FAM227B: variants seen among roughly 807,000 people sequenced by gnomAD.
FAM227B encodes the protein protein FAM227B.
Under a neutral mutation model 73.8 loss-of-function variants are expected in FAM227B, and 88 were observed. The observed-to-expected ratio is 1.19, with a 90% CI of 1.00 to 1.42. The LOEUF is 1.42. Ranked by LOEUF, FAM227B falls within the 40% of genes most tolerant of loss-of-function variation. The pLI is 0.00. For synonymous variants in FAM227B, 210 were observed against 190.5 expected (o/e 1.10, Z -0.84); for missense variants, 632 against 590.9 (o/e 1.07, Z -0.72).
chr15:49,618,995 G>A (rs1032002897), intron 1 of FAM227B, among the ~76,000 whole-genome samples: 3 of 152,114 alleles, frequency 2.0e-5, no homozygotes, highest in Non-Finnish European at 4.4e-5. Context: ...ACAGAATGTG[G>A]CCAAATTGAT....
intron 11 of FAM227B, among the ~76,000 whole-genome samples, chr15:49,422,234 C>T (rs1215559644): frequency 6.6e-6 from 1 of 151,650 alleles, no homozygotes; most frequent in Non-Finnish European, 1.5e-5. Flanking sequence ...TTTTAATATA[C>T]TTTCTTAATA....
At chr15:49,585,266 T>C (rs1385035663) in intron 5 of FAM227B, among the ~76,000 whole-genome samples, 2 of 152,172 alleles carry the variant, frequency 1.3e-5, no homozygotes, top group African/African-American at 2.4e-5. Context: ...AGTTCAACCA[T>C]TGTGGAAGTC....
At chr15:49,348,454 G>A (rs1190277725) in intron 13 of FAM227B, among the ~76,000 whole-genome samples, 1 of 152,088 alleles carries the variant, frequency 6.6e-6, no homozygotes, top group Non-Finnish European at 1.5e-5. Flanking sequence ...AGACACATGT[G>A]AGGCAACCAC....
At chr15:49,350,472 T>G (rs1327908798) in intron 13 of FAM227B, among the ~76,000 whole-genome samples, 3 of 152,090 alleles carry the variant, frequency 2.0e-5, no homozygotes, top group Non-Finnish European at 4.4e-5. Context: ...ACATACTAAT[T>G]CTCGATCTGT....
intron 10 of FAM227B, among the ~76,000 whole-genome samples, chr15:49,522,347 A>C (rs1370368125): frequency 6.6e-6 from 1 of 152,212 alleles, no homozygotes; most frequent in African/African-American, 2.4e-5. Flanking sequence ...TAGCTTCTTC[A>C]GTTGAGAAGG....
chr15:49,402,273 T>C (rs1203815271), intron 11 of FAM227B, among the ~76,000 whole-genome samples: 7 of 152,200 alleles, frequency 4.6e-5, no homozygotes, highest in Non-Finnish European at 8.8e-5. Flanking sequence ...AAAGGGCTAT[T>C]TGGGCTCTTT....
At chr15:49,567,831 T>C (rs1462203543) in intron 9 of FAM227B, among the ~76,000 whole-genome samples, 33 of 152,192 alleles carry the variant, frequency 2.2e-4, no homozygotes, top group East Asian at 1.9e-4. Flanking sequence ...ATTTTATGTA[T>C]TGTGCTTTAC....
intron 3 of FAM227B, among the ~76,000 whole-genome samples, chr15:49,594,188 A>AT (rs1486464853): frequency 1.3e-5 from 2 of 151,900 alleles, no homozygotes; most frequent in South Asian, 2.1e-4. Flanking sequence ...GATGTTGAGC[A>AT]TTTTTTTCAC....
At chr15:49,517,954 TATATAG>T (rs1319259992) in intron 10 of FAM227B, among the ~76,000 whole-genome samples, 3 of 152,208 alleles carry the variant, frequency 2.0e-5, no homozygotes, top group African/African-American at 7.2e-5. Context: ...CATATTGTTG[TATATAG>T]ATATAATTTG....
intron 11 of FAM227B, among the ~76,000 whole-genome samples, chr15:49,456,867 A>G (rs547221903): frequency 9.9e-5 from 15 of 152,086 alleles, no homozygotes; most frequent in Non-Finnish European, 1.9e-4. Flanking sequence ...AGACCAGAAA[A>G]AGACAGGCAA....
At position 49,546,358 on chromosome 15, in the gene FAM227B, T is replaced by C. The variant is rs569261244; in HGVS notation, c.748-4552A>G. The stretch of plus-strand genomic sequence containing the variant: ...CACATTTTCTTAATCCAGTCTATCG[T>C]TGTTGGACATTTACGTTGGTTCCAA... On this transcript the variant is annotated intron_variant, in intron 9 of 15. Coordinates refer to ENST00000299338, the MANE Select transcript of FAM227B (RefSeq NM_152647.3). Among the ~76,000 whole-genome samples the C allele has an allele frequency of 2.0e-3, 309 of 152,328 alleles. 2 individuals carry two copies. Among genetic ancestry groups the C allele is most frequent in the African/African-American group, 6.9e-3 (287 of 41,568 alleles).
chr15:49,563,888 G>C (rs2074443336), intron 9 of FAM227B, among the ~76,000 whole-genome samples: 1 of 152,082 alleles, frequency 6.6e-6, no homozygotes, highest in Non-Finnish European at 1.5e-5. Context: ...AAAAATCCTA[G>C]AAGAAAACCT....
intron 5 of FAM227B, among the ~76,000 whole-genome samples, chr15:49,581,914 G>C (rs1346400220): frequency 6.6e-6 from 1 of 152,082 alleles, no homozygotes; most frequent in Non-Finnish European, 1.5e-5. Context: ...AGCCCTAGGG[G>C]AACTGTCAGA....
chr15:49,551,163 T>C (rs891007503), intron 9 of FAM227B, among the ~76,000 whole-genome samples: 1 of 152,132 alleles, frequency 6.6e-6, no homozygotes, highest in Non-Finnish European at 1.5e-5. Context: ...GCGCCTGCAA[T>C]TGCAGGCACT....
intron 11 of FAM227B, among the ~76,000 whole-genome samples, chr15:49,497,915 C>T (rs1597618298): frequency 6.6e-6 from 1 of 152,212 alleles, no homozygotes; most frequent in Non-Finnish European, 1.5e-5. Context: ...CCATTGCTTG[C>T]TATTTCTAGA....
intron 11 of FAM227B, among the ~76,000 whole-genome samples, chr15:49,381,036 C>G (rs1170734525): frequency 6.6e-6 from 1 of 152,168 alleles, no homozygotes; most frequent in Non-Finnish European, 1.5e-5. Flanking sequence ...GCCCATGTGT[C>G]ATCTGGTGAG....
chr15:49,366,412 T>C, intron 13 of FAM227B: 1 of 838,544 alleles, frequency 1.2e-6, no homozygotes, highest in Non-Finnish European at 2.1e-6. Context: ...AGCTGCCCCA[T>C]TGCACCACAA....
intron 11 of FAM227B, among the ~76,000 whole-genome samples, chr15:49,489,879 TATATAGAGAGAG>T (rs1392474828): frequency 4.9e-4 from 9 of 18,480 alleles, no homozygotes; most frequent in Non-Finnish European, 1.2e-3. Flanking sequence ...TATATATATA[TATATAGAGAGAG>T]AGAGAGAGAG....
chr15:49,419,778 T>A (rs772505256), intron 11 of FAM227B, among the ~76,000 whole-genome samples: 17 of 152,014 alleles, frequency 1.1e-4, no homozygotes, highest in Non-Finnish European at 2.1e-4. Context: ...TATTATTATT[T>A]TTTTATTTTT....
Sources: allele counts gnomAD v4.1 joint callset (sites outside exome capture counted in the v4.1 genomes callset), GRCh38; gene constraint gnomAD v4.1.1; transcripts MANE v1.5; gene names NCBI Gene and HGNC (gene_info 2026-07-23, HGNC 2026-07-21).